Variants in COL11A1 observed in about 807,000 individuals in gnomAD.
The protein encoded by COL11A1 is collagen type XI alpha 1 chain.
A neutral mutation model predicts 265.2 loss-of-function variants in COL11A1; 74 were observed. That is an observed-to-expected ratio of 0.28 (90% CI 0.23 to 0.34). COL11A1 has a LOEUF of 0.34. Ranked by LOEUF, COL11A1 falls within the 10% of genes least tolerant of loss-of-function variation. The pLI is 1.00. For synonymous variants in COL11A1, 816 were observed against 727.6 expected (o/e 1.12, Z -1.96); for missense variants, 2,165 against 2,263.6 (o/e 0.96, Z 0.88).
At chr1:103,068,616 G>A (rs531913934) in intron 4 of COL11A1, among the ~76,000 whole-genome samples, 114 of 151,210 alleles carry the variant, frequency 7.5e-4, no homozygotes, top group Non-Finnish European at 4.6e-4. Context: ...ATTCATTGCC[G>A]TAAGAAAAAT....
intron 57 of COL11A1, among the ~76,000 whole-genome samples, chr1:102,897,686 A>T (rs1306601517): frequency 2.6e-5 from 4 of 152,078 alleles, no homozygotes; most frequent in African/African-American, 9.7e-5. Context: ...ATCTTTTTTC[A>T]CTGAGTTTTA....
intron 47 of COL11A1, among the ~76,000 whole-genome samples, chr1:102,921,977 G>GTA (rs1393943648): frequency 6.6e-6 from 1 of 152,156 alleles, no homozygotes. Flanking sequence ...TTGTTGATAG[G>GTA]TATTTTTAGC....
At chr1:102,921,474 C>T (rs761109287) in intron 48 of COL11A1, 44 bp downstream of exon 48, 5 of 1,436,964 alleles carry the variant, frequency 3.5e-6, no homozygotes, top group Admixed American at 1.7e-5. Context: ...ATAACAATAC[C>T]TATATAACTT....
chr1:102,955,805 T>C (rs1660316697), intron 41 of COL11A1, among the ~76,000 whole-genome samples: 3 of 152,208 alleles, frequency 2.0e-5, no homozygotes. Context: ...ATATTCATCA[T>C]GCAGAAAAAT....
At chr1:102,912,803 T>G (rs900606111) in intron 53 of COL11A1, among the ~76,000 whole-genome samples, 4 of 152,178 alleles carry the variant, frequency 2.6e-5, no homozygotes, top group Non-Finnish European at 5.9e-5. Flanking sequence ...CGAGATCTGA[T>G]GGTTTAATAA....
chr1:102,895,381 A>G (rs1652291016), intron 57 of COL11A1, among the ~76,000 whole-genome samples: 1 of 152,156 alleles, frequency 6.6e-6, no homozygotes, highest in Admixed American at 6.6e-5. Flanking sequence ...GCTAGGTTGT[A>G]TTTAAAAGGT....
intron 13 of COL11A1, 84 bp from the exon 14 acceptor site, chr1:103,012,553 T>C (rs895790847): frequency 1.0e-6 from 1 of 991,852 alleles, no homozygotes; most frequent in Non-Finnish European, 1.6e-6. Flanking sequence ...CAAGCTGCCC[T>C]TAAGTAATAC....
At chr1:103,092,867 A>G (rs1673437725) in intron 1 of COL11A1, among the ~76,000 whole-genome samples, 2 of 152,110 alleles carry the variant, frequency 1.3e-5, no homozygotes, top group Admixed American at 6.6e-5. Flanking sequence ...ACATACATAC[A>G]TACACAAAGT....
At chr1:103,024,761 A>C (rs971976196) in intron 7 of COL11A1, among the ~76,000 whole-genome samples, 1 of 152,130 alleles carries the variant, frequency 6.6e-6, no homozygotes, top group Non-Finnish European at 1.5e-5. Context: ...ACATAAATCT[A>C]TTTGCCTAAT....
chr1:103,026,029 G>T, intron 6 of COL11A1, 187 bp downstream of exon 6: 1 of 1,474,906 alleles, frequency 6.8e-7, no homozygotes. Context: ...ATGAAAGGAA[G>T]GCTAAGCAAA....
At chr1:102,897,688 T>C (rs543984603) in intron 57 of COL11A1, among the ~76,000 whole-genome samples, 1 of 152,300 alleles carries the variant, frequency 6.6e-6, no homozygotes, top group South Asian at 2.1e-4. Context: ...CTTTTTTCAC[T>C]GAGTTTTACT....
chr1:103,063,220 A>G (rs773008018), intron 4 of COL11A1, among the ~76,000 whole-genome samples: 21 of 152,060 alleles, frequency 1.4e-4, no homozygotes, highest in Non-Finnish European at 2.9e-4. Flanking sequence ...ACATATTCCA[A>G]ATTCATAAGA....
chr1:102,936,659 C>A (rs576199278), intron 44 of COL11A1, among the ~76,000 whole-genome samples: 2 of 152,102 alleles, frequency 1.3e-5, no homozygotes, highest in Admixed American at 6.5e-5. Flanking sequence ...ACTTTGAGGA[C>A]CTTACCCAGG....
chr1:102,884,723 G>A (rs1650742884), intron 63 of COL11A1: 2 of 152,402 alleles, frequency 1.3e-5, no homozygotes, highest in East Asian at 3.9e-4. Flanking sequence ...CAGGCGAGAA[G>A]AGATGCAAAC....
intron 10 of COL11A1, among the ~76,000 whole-genome samples, chr1:103,018,393 G>C (rs2101917701): frequency 6.6e-6 from 1 of 152,204 alleles, no homozygotes; most frequent in East Asian, 1.9e-4. Context: ...TAAACACACT[G>C]AGTAACATCA....
intron 49 of COL11A1, among the ~76,000 whole-genome samples, chr1:102,918,588 AAAAC>A (rs139581443): frequency 0.65 from 98,161 of 150,748 alleles, 35,570 homozygotes; most frequent in East Asian, 0.98. Context: ...ACAACAACAA[AAAAC>A]AAACAAACAA....
chr1:103,087,953 GCTAT>G (rs1673009546), intron 1 of COL11A1, among the ~76,000 whole-genome samples: 1 of 152,104 alleles, frequency 6.6e-6, no homozygotes, highest in African/African-American at 2.4e-5. Flanking sequence ...AAATCCTCAG[GCTAT>G]CTAGTGTCGA....
At chr1:103,030,565 A>T (rs1285067948) in intron 5 of COL11A1, among the ~76,000 whole-genome samples, 1 of 152,026 alleles carries the variant, frequency 6.6e-6, no homozygotes, top group Non-Finnish European at 1.5e-5. Flanking sequence ...CCAAAAAAAA[A>T]AAATCCAAAA....
chr1:102,904,426 A>C (rs550469817), intron 54 of COL11A1, among the ~76,000 whole-genome samples: 5,184 of 152,186 alleles, frequency 0.034, 319 homozygotes, highest in African/African-American at 0.12. Context: ...CTACCATCAG[A>C]GTGAACAGGC....
Sources: allele counts gnomAD v4.1 joint callset (sites outside exome capture counted in the v4.1 genomes callset), GRCh38; gene constraint gnomAD v4.1.1; transcripts MANE v1.5; gene names NCBI Gene and HGNC (gene_info 2026-07-23, HGNC 2026-07-21).